The following CD72 variants were observed in gnomAD, a reference collection of about 807,000 sequenced individuals.
CD72 encodes B-cell differentiation antigen CD72.
A neutral mutation model predicts 50.7 loss-of-function variants in CD72; 28 were observed. The observed-to-expected ratio is 0.55, with a 90% CI of 0.41 to 0.76. The LOEUF (loss-of-function observed/expected upper bound fraction) is 0.76, where lower values mean the gene tolerates loss of function less well. Among genes scored for constraint, CD72 ranks in the 30% least tolerant of loss-of-function variants. CD72 has a pLI of 0.00. For synonymous variants in CD72, 176 were observed against 171.2 expected, an observed-to-expected ratio of 1.03 and a Z score of -0.22; for missense variants, 403 against 420.6, an observed-to-expected ratio of 0.96 and a Z score of 0.37.
intron 3 of CD72, chr9:35,616,952 G>C (rs1047821619): frequency 1.4e-6 from 2 of 1,416,088 alleles, no homozygotes; most frequent in South Asian, 1.5e-5. Context: ...GGAGAGAGGG[G>C]AAGGGGGGCA....
chr9:35,618,576 T>C, upstream of CD72: 2 of 705,102 alleles, frequency 2.8e-6, no homozygotes, highest in Admixed American at 2.5e-5. Context: ...GGGATGGGCC[T>C]GTCCCCATGT....
upstream of CD72, among the ~76,000 whole-genome samples, chr9:35,622,608 G>T (rs1823154521): frequency 1.3e-5 from 2 of 152,112 alleles, no homozygotes; most frequent in African/African-American, 4.8e-5. Flanking sequence ...CCAATATGGT[G>T]AAACCCCGTC....
At chr9:35,644,066 G>A (rs1823364263) in intron 1 of CD72, among the ~76,000 whole-genome samples, 1 of 151,468 alleles carries the variant, frequency 6.6e-6, no homozygotes, top group Non-Finnish European at 1.5e-5. Flanking sequence ...AGAAAGAAAG[G>A]CCAGGCATGG....
At chr9:35,638,840 T>C (rs1396138312) in intron 1 of CD72, among the ~76,000 whole-genome samples, 1 of 151,716 alleles carries the variant, frequency 6.6e-6, no homozygotes, top group Non-Finnish European at 1.5e-5. Context: ...CTAGGCGAGA[T>C]TACATGATTT....
At chr9:35,628,794 C>T (rs546497080) in intron 1 of CD72, among the ~76,000 whole-genome samples, 3 of 152,266 alleles carry the variant, frequency 2.0e-5, no homozygotes, top group African/African-American at 7.2e-5. Context: ...ACTGTGTGGG[C>T]GCATGTTCTA....
Position 35,618,223 on chromosome 9 carries a change from C to T in CD72, c.81G>A (p.Gln27=). 2 of 1,614,064 alleles carry T rather than the reference C, an allele frequency of 1.2e-6. No individual in the cohort carries two copies. Among genetic ancestry groups the T allele is most frequent in the Non-Finnish European group, 1.7e-6 (2 of 1,179,916 alleles). Residue 27 remains glutamine (Q), a splice_region_variant and synonymous_variant, in exon 1 of 9, where the codon CAG becomes CAA. Coordinates refer to ENST00000259633, the MANE Select transcript of CD72 (RefSeq NM_001782.3). ...LKKSISSRLG[Q]DPGADDDGEI... is the part of the protein sequence containing the mutation. ...AAGGGGAGGCCTCATCCCCCTTACC[C>T]TGTCCTAACCGGCTGGAGATGCTCT...
chr9:35,645,528 G>A (rs1167726344), intron 1 of CD72, among the ~76,000 whole-genome samples: 1 of 152,042 alleles, frequency 6.6e-6, no homozygotes, highest in Non-Finnish European at 1.5e-5. Context: ...GTTGCAGTGA[G>A]CCGAGGTTGC....
chr9:35,635,675 A>C (rs1587908667), intron 1 of CD72, among the ~76,000 whole-genome samples: 1 of 152,134 alleles, frequency 6.6e-6, no homozygotes. Flanking sequence ...ATCCACCATT[A>C]GTTTTGCTGG....
chr9:35,640,093 A>G (rs1212907925), intron 1 of CD72, among the ~76,000 whole-genome samples: 2 of 152,226 alleles, frequency 1.3e-5, no homozygotes, highest in African/African-American at 4.8e-5. Flanking sequence ...AATGGTTTTC[A>G]TTCTGTGACA....
rs767683713 is a variant in CD72 at position 35,618,194 on chromosome 9, G to C, written c.82+28C>G. 6.8e-6 allele frequency: 11 copies of C among 1,608,708 alleles called. No homozygotes were observed. In the South Asian group the frequency reaches 9.9e-5, roughly 14 times the overall value. ...TGTGGGGCGGGAAGTGGGGATGCAG[G>C]ATCAAGGGGAGGCCTCATCCCCCTT... On this transcript the variant is annotated intron_variant, in intron 1 of 8. Coordinates refer to ENST00000259633, the MANE Select transcript of CD72 (RefSeq NM_001782.3).
chr9:35,610,094 G>A lies in CD72; in HGVS notation c.*229C>T. On this transcript the variant is annotated 3_prime_UTR_variant, in exon 9 of 9. Coordinates refer to ENST00000259633, the MANE Select transcript of CD72 (RefSeq NM_001782.3). Reference sequence around the variant, plus strand: ...TTCTACCATGGGAAGTTCTTGGGGGGAGGCCAAAGTCCCTTCTAGAGGTGG... The same window carrying A: ...TTCTACCATGGGAAGTTCTTGGGGGAAGGCCAAAGTCCCTTCTAGAGGTGG... 1 of 260,070 alleles carries A rather than the reference G, an allele frequency of 3.8e-6. No individual in the cohort carries two copies. The highest frequency in any genetic ancestry group is 8.2e-5 in the East Asian group (1 of 12,200). 16.1% of individuals were successfully genotyped at this position (260,070 alleles called of 1,614,324 possible). A position where few individuals can be genotyped will look rare whatever the true frequency, so the allele number is the denominator to read the frequency against.
intron 1 of CD72, among the ~76,000 whole-genome samples, chr9:35,636,698 C>T (rs917737400): frequency 6.6e-6 from 1 of 152,166 alleles, no homozygotes; most frequent in Non-Finnish European, 1.5e-5. Context: ...CGCCTGTAAT[C>T]CCAGTACTTT....
intron 1 of CD72, among the ~76,000 whole-genome samples, chr9:35,637,124 C>T (rs114289683): frequency 0.074 from 11,312 of 152,212 alleles, 474 homozygotes; most frequent in Middle Eastern, 0.1. Context: ...ATTCTCCCCA[C>T]GCTTGAGAAC....
At chr9:35,644,286 G>T (rs968246089) in intron 1 of CD72, among the ~76,000 whole-genome samples, 2 of 140,138 alleles carry the variant, frequency 1.4e-5, no homozygotes, top group African/African-American at 5.2e-5. Context: ...TGGGGTGGAG[G>T]TTGAAGTGAG....
At chr9:35,646,336 T>C (rs2131797225) in intron 1 of CD72, 1 of 152,292 alleles carries the variant, frequency 6.6e-6, no homozygotes, top group Non-Finnish European at 1.5e-5. Flanking sequence ...AACGGGGCGC[T>C]AGGACGGGCA....
chr9:35,620,539 G>A (rs1823137930), upstream of CD72, among the ~76,000 whole-genome samples: 1 of 152,018 alleles, frequency 6.6e-6, no homozygotes. Flanking sequence ...GGCTTAAGAA[G>A]GGGATCTCCT....
chr9:35,611,941 C>T, intron 6 of CD72, 22 bp from the exon 7 acceptor site: 1 of 1,214,158 alleles, frequency 8.2e-7, no homozygotes. Context: ...TTCAGAGAGA[C>T]CAGAGATACA....
intron 1 of CD72, among the ~76,000 whole-genome samples, chr9:35,630,678 C>T (rs1823236769): frequency 6.6e-6 from 1 of 152,144 alleles, no homozygotes; most frequent in South Asian, 2.1e-4. Flanking sequence ...GGGTTCAAAT[C>T]CCAGCTCTGA....
intron 1 of CD72, among the ~76,000 whole-genome samples, chr9:35,644,261 G>T (rs564290960): frequency 1.4e-5 from 2 of 143,634 alleles, no homozygotes; most frequent in African/African-American, 5.1e-5. Flanking sequence ...CAGGAGAATC[G>T]CTTGAAACCA....
Sources: gnomAD v4.1 joint callset for allele counts (sites outside exome capture counted in the v4.1 genomes callset) on GRCh38, gnomAD v4.1.1 for gene constraint, MANE v1.5 for transcripts, NCBI Gene and HGNC (gene_info 2026-07-23, HGNC 2026-07-21) for gene names.